CAMSAP1: variants seen among roughly 807,000 people sequenced by gnomAD.
CAMSAP1 encodes the protein calmodulin-regulated spectrin-associated protein 1.
A neutral mutation model predicts 143.5 loss-of-function variants in CAMSAP1; 58 were observed. That is an observed-to-expected ratio of 0.40 (90% CI 0.33 to 0.50). The LOEUF is 0.50. Among genes scored for constraint, CAMSAP1 ranks in the 20% least tolerant of loss-of-function variants. The pLI, the probability that CAMSAP1 is intolerant of heterozygous loss-of-function variation, is 0.45. For synonymous variants in CAMSAP1, 945 were observed against 859.3 expected, an observed-to-expected ratio of 1.10 and a Z score of -1.74; for missense variants, 1,969 against 2,115.7, an observed-to-expected ratio of 0.93 and a Z score of 1.36.
rs948655847 is a variant in CAMSAP1 at position 135,811,116 on chromosome 9, T to G, written c.*193A>C. 1.9e-4 allele frequency: 126 copies of G among 650,454 alleles called. No individual in the cohort carries two copies. Among genetic ancestry groups the G allele is most frequent in the Non-Finnish European group, 2.9e-4 (111 of 385,934 alleles). The allele number at this position is 650,454 out of a possible 1,614,324, so 40.3% of individuals were successfully genotyped here. A position where few individuals can be genotyped will look rare whatever the true frequency, so the allele number is the denominator to read the frequency against. ...CTCACCCTGCCTGGCATCCTCTGCG[T>G]GAGATGAGCGCTGAGAGAGGGGTTT... On this transcript the variant is annotated 3_prime_UTR_variant, in exon 17 of 17. Transcript: ENST00000389532. This position sits in a 1 kb window ranked among gnomAD's most constrained non-coding sequence, Gnocchi z 4.9.
chr9:135,860,597 CAAA>C (rs35415924), intron 5 of CAMSAP1, among the ~76,000 whole-genome samples: 2 of 62,048 alleles, frequency 3.2e-5, no homozygotes, highest in Non-Finnish European at 6.1e-5. Context: ...GACTCTGCCT[CAAA>C]AAAAAAAAAA....
At chr9:135,866,626 C>T (rs1225043527) in intron 3 of CAMSAP1, 90 bp from the exon 4 acceptor site, 1 of 688,920 alleles carries the variant, frequency 1.5e-6, no homozygotes, top group African/African-American at 1.8e-5. Context: ...CCCACTTCAC[C>T]TGATTCACCT....
chr9:135,899,055 C>T lies in CAMSAP1; in HGVS notation c.160+7945G>A, dbSNP rs76125402. On this transcript the variant is annotated intron_variant, in intron 1 of 16. Coordinates refer to ENST00000389532, the MANE Select transcript of CAMSAP1 (RefSeq NM_015447.4). ...CACAACATGAATTTCAAAAATACTACGCTAAGTGAAAGAAGTCAGATTAGA... is the reference window on the plus strand; with the variant it reads ...CACAACATGAATTTCAAAAATACTATGCTAAGTGAAAGAAGTCAGATTAGA... 7.1e-4 allele frequency among the ~76,000 whole-genome samples: 108 copies of T among 152,218 alleles called. 3 individuals carry two copies. In the East Asian group the frequency reaches 0.019, roughly 27 times the overall value.
intron 1 of CAMSAP1, among the ~76,000 whole-genome samples, chr9:135,889,867 G>C (rs1195725027): frequency 6.6e-6 from 1 of 152,178 alleles, no homozygotes; most frequent in Non-Finnish European, 1.5e-5. Flanking sequence ...AAAGGTGCTG[G>C]CACCAGGTCC....
At chr9:135,881,358 A>T (rs74333181) in intron 3 of CAMSAP1, among the ~76,000 whole-genome samples, 1 of 142,902 alleles carries the variant, frequency 7.0e-6, no homozygotes, top group African/African-American at 2.5e-5. Context: ...ACCCTGTCTC[A>T]AAAAAAAAAA....
At chr9:135,859,212 T>A (rs1837083876) in intron 5 of CAMSAP1, among the ~76,000 whole-genome samples, 1 of 152,214 alleles carries the variant, frequency 6.6e-6, no homozygotes, top group African/African-American at 2.4e-5. Context: ...CGACTGCACG[T>A]TTTATAAAGG....
intron 5 of CAMSAP1, among the ~76,000 whole-genome samples, chr9:135,860,490 C>A (rs944890008): frequency 6.7e-6 from 1 of 149,166 alleles, no homozygotes; most frequent in Admixed American, 6.8e-5. Flanking sequence ...CCCAGCTACT[C>A]GGGAGGCTGA....
chr9:135,888,065 G>A (rs1838180749), intron 1 of CAMSAP1, among the ~76,000 whole-genome samples: 1 of 152,158 alleles, frequency 6.6e-6, no homozygotes, highest in African/African-American at 2.4e-5. Flanking sequence ...AGCAGGAGTT[G>A]GAGCGCTGGG....
At chr9:135,854,622 C>T (rs1836889021) in intron 5 of CAMSAP1, among the ~76,000 whole-genome samples, 1 of 152,026 alleles carries the variant, frequency 6.6e-6, no homozygotes, top group Non-Finnish European at 1.5e-5. Context: ...ATCACCAGGC[C>T]AAGCTAACTT....
At chr9:135,874,089 C>G (rs191002318) in intron 3 of CAMSAP1, among the ~76,000 whole-genome samples, 1 of 152,098 alleles carries the variant, frequency 6.6e-6, no homozygotes, top group Admixed American at 6.5e-5. Flanking sequence ...TACTGTAATT[C>G]ATTGTATCAA....
At chr9:135,830,427 G>A (rs1835820359) in intron 7 of CAMSAP1, among the ~76,000 whole-genome samples, 1 of 152,218 alleles carries the variant, frequency 6.6e-6, no homozygotes, top group Non-Finnish European at 1.5e-5. Context: ...ACTTACCTCA[G>A]ACAAAAGAGA....
intron 1 of CAMSAP1, among the ~76,000 whole-genome samples, chr9:135,886,656 C>A (rs535595729): frequency 1.3e-5 from 2 of 152,298 alleles, no homozygotes; most frequent in East Asian, 3.9e-4. Context: ...TGCAATGAGA[C>A]CACATCAAGT....
Position 135,820,960 on chromosome 9 carries a change from A to G in CAMSAP1, c.3701T>C (p.Ile1234Thr), listed in dbSNP as rs1241104611. Residue 1234 changes from isoleucine (I) to threonine (T), a missense_variant, in exon 11 of 17, where the codon ATT becomes ACT. This residue lies in a region of CAMSAP1 where 1,390 missense variants were observed against 1,420.8 expected (regional missense o/e 0.98). Transcript: ENST00000389532. This position sits in a 1 kb window ranked among gnomAD's most constrained non-coding sequence, Gnocchi z 4.4. ...EEPLRSRASL[I>T]EVDLSDLKAP... ...CTTCAGGTCGGAGAGGTCCACTTCA[A>G]TGAGGCTGGCCCTGCTCCTCAGAGG... is the stretch of plus-strand genomic sequence containing the variant. The G allele has an allele frequency of 6.2e-6, 10 of 1,613,412 alleles. No homozygotes were observed. Among genetic ancestry groups the G allele is most frequent in the Middle Eastern group, 1.6e-4 (1 of 6,084 alleles).
chr9:135,831,327 A>G (rs562437870), intron 7 of CAMSAP1, among the ~76,000 whole-genome samples: 30 of 152,128 alleles, frequency 2.0e-4, no homozygotes, highest in Non-Finnish European at 3.8e-4. Context: ...AACTTGCATG[A>G]TGCAGTGTTA....
At chr9:135,851,106 C>A (rs947275356) in intron 5 of CAMSAP1, among the ~76,000 whole-genome samples, 3 of 152,206 alleles carry the variant, frequency 2.0e-5, no homozygotes, top group Admixed American at 2.0e-4. Flanking sequence ...AAGAGCAGGC[C>A]TCCCCCTAGT....
chr9:135,906,784 G>C (rs1007698075), intron 1 of CAMSAP1, among the ~76,000 whole-genome samples: 2 of 151,952 alleles, frequency 1.3e-5, no homozygotes, highest in Non-Finnish European at 2.9e-5. Context: ...GCCGCCCTCC[G>C]CCGCAGGGAC....
At chr9:135,874,285 C>A (rs370360887) in intron 3 of CAMSAP1, among the ~76,000 whole-genome samples, 1 of 152,090 alleles carries the variant, frequency 6.6e-6, no homozygotes, top group Non-Finnish European at 1.5e-5. Context: ...TCAGCCTGGG[C>A]AACGTGGCAA....
chr9:135,883,176 A>C, intron 1 of CAMSAP1, 98 bp from the exon 2 acceptor site: 1 of 1,338,868 alleles, frequency 7.5e-7, no homozygotes, highest in Non-Finnish European at 1.0e-6. Flanking sequence ...ACTGTACTCC[A>C]GCCTGGGCAA....
At chr9:135,865,886 G>A (rs1837361405) in intron 4 of CAMSAP1, among the ~76,000 whole-genome samples, 1 of 152,232 alleles carries the variant, frequency 6.6e-6, no homozygotes, top group South Asian at 2.1e-4. Context: ...AGATGGTCGG[G>A]CTGCATCTTG....
Sources: allele counts gnomAD v4.1 joint callset (sites outside exome capture counted in the v4.1 genomes callset), GRCh38; gene constraint gnomAD v4.1.1; regional missense constraint gnomAD v4.1.1; non-coding constraint Gnocchi (gnomAD v3.1); transcripts MANE v1.5; gene names NCBI Gene and HGNC (gene_info 2026-07-23, HGNC 2026-07-21).